MAPK4: variants seen among roughly 807,000 people sequenced by gnomAD.
MAPK4 encodes Erk3-related.
Under a neutral mutation model 47.7 loss-of-function variants are expected in MAPK4, and 22 were observed. The observed-to-expected ratio is 0.46, with a 90% CI of 0.33 to 0.66. The LOEUF is 0.66. MAPK4 is among the 30% of genes least tolerant of loss of function. The pLI is 0.02. For missense variants in MAPK4, 736 were observed against 831.7 expected, an observed-to-expected ratio of 0.88 and a Z score of 1.42; for synonymous variants, 390 against 365.7, an observed-to-expected ratio of 1.07 and a Z score of -0.76.
At chr18:50,592,914 C>T (rs2042450449) in intron 1 of MAPK4, among the ~76,000 whole-genome samples, 1 of 152,202 alleles carries the variant, frequency 6.6e-6, no homozygotes, top group African/African-American at 2.4e-5. Flanking sequence ...CATTTGAATT[C>T]TAAACTCTTT....
chr18:50,576,728 A>G (rs968981556), intron 1 of MAPK4, among the ~76,000 whole-genome samples: 14 of 152,358 alleles, frequency 9.2e-5, no homozygotes, highest in African/African-American at 3.1e-4. Context: ...ATGAAATAAC[A>G]AAGTGTCAGG....
At chr18:50,612,552 T>C (rs1465378659) in intron 1 of MAPK4, among the ~76,000 whole-genome samples, 2 of 152,214 alleles carry the variant, frequency 1.3e-5, no homozygotes, top group East Asian at 3.8e-4. Context: ...AGGAGGAATC[T>C]GTGACTGGAG....
At chr18:50,603,725 C>T (rs1333095913) in intron 1 of MAPK4, among the ~76,000 whole-genome samples, 1 of 152,000 alleles carries the variant, frequency 6.6e-6, no homozygotes, top group Non-Finnish European at 1.5e-5. Context: ...ATTCATTATT[C>T]CTTTTATCTT....
intron 2 of MAPK4, among the ~76,000 whole-genome samples, chr18:50,690,551 C>T (rs1909154447): frequency 6.6e-6 from 1 of 152,142 alleles, no homozygotes; most frequent in Non-Finnish European, 1.5e-5. Context: ...ATTTAAAAAG[C>T]TCTTTTAACA....
intron 1 of MAPK4, among the ~76,000 whole-genome samples, chr18:50,585,684 C>T (rs1183190625): frequency 6.6e-6 from 1 of 152,156 alleles, no homozygotes; most frequent in Non-Finnish European, 1.5e-5. Flanking sequence ...ATATATTAGT[C>T]CGCTCTCATG....
intron 1 of MAPK4, among the ~76,000 whole-genome samples, chr18:50,588,483 C>T (rs1430287442): frequency 6.6e-6 from 1 of 152,216 alleles, no homozygotes; most frequent in Non-Finnish European, 1.5e-5. Context: ...TCATTTCTAG[C>T]ACCTTCTATT....
At chr18:50,589,431 C>G (rs895162697) in intron 1 of MAPK4, among the ~76,000 whole-genome samples, 1 of 152,058 alleles carries the variant, frequency 6.6e-6, no homozygotes, top group African/African-American at 2.4e-5. Context: ...CCCGTCTCTA[C>G]TAAAAATACA....
intron 1 of MAPK4, among the ~76,000 whole-genome samples, chr18:50,566,826 A>G (rs2969967): frequency 1 from 151,807 of 152,344 alleles, 75,639 homozygotes; most frequent in East Asian, 1. Context: ...CATTATGGAA[A>G]GTGGCAAGAA....
At chr18:50,561,801 AG>A (rs1156338075) in intron 1 of MAPK4, among the ~76,000 whole-genome samples, 1 of 152,202 alleles carries the variant, frequency 6.6e-6, no homozygotes, top group East Asian at 1.9e-4. Context: ...AATAGTAAAA[AG>A]GCTTGCTCTG....
At chr18:50,624,434 C>T (rs990427317) in intron 1 of MAPK4, among the ~76,000 whole-genome samples, 3 of 151,288 alleles carry the variant, frequency 2.0e-5, no homozygotes, top group African/African-American at 4.9e-5. Context: ...CTGTATATGG[C>T]GATGCTGTGG....
At chr18:50,671,442 G>T (rs1295190877) in intron 2 of MAPK4, among the ~76,000 whole-genome samples, 1 of 152,212 alleles carries the variant, frequency 6.6e-6, no homozygotes, top group Non-Finnish European at 1.5e-5. Context: ...AAGATTGAAT[G>T]TCTGATTGAG....
In MAPK4 at chr18:50,560,208, C is replaced by T. The variant is rs1280419629; in HGVS notation, c.-906C>T. 6.6e-6 allele frequency: 1 copy of T among 150,900 alleles called. No homozygotes were observed. Among genetic ancestry groups the T allele is most frequent in the Admixed American group, 6.6e-5 (1 of 15,152 alleles). 9.3% of individuals were successfully genotyped at this position (150,900 alleles called of 1,614,324 possible). On this transcript the variant is annotated 5_prime_UTR_variant, in exon 1 of 6. Coordinates refer to ENST00000400384, the MANE Select transcript of MAPK4 (RefSeq NM_002747.4). ...CCGCGGCCGCAGACAAAGGGCGGCT[C>T]GCGCCCGGGCCGCCACGCTCTCGGG...
At chr18:50,639,042 C>T (rs995408712) in intron 1 of MAPK4, among the ~76,000 whole-genome samples, 1 of 152,160 alleles carries the variant, frequency 6.6e-6, no homozygotes, top group Non-Finnish European at 1.5e-5. Flanking sequence ...ATGTAGGTGA[C>T]CAGGCAGATG....
intron 1 of MAPK4, among the ~76,000 whole-genome samples, chr18:50,647,435 G>A (rs375628275): frequency 7.2e-5 from 11 of 152,148 alleles, no homozygotes; most frequent in Admixed American, 5.2e-4. Flanking sequence ...TTGTCAGTGC[G>A]ATGATCTGAA....
chr18:50,711,932 C>T lies in MAPK4; in HGVS notation c.547-3147C>T, dbSNP rs558634748. On this transcript the variant is annotated intron_variant, in intron 2 of 5. Transcript: ENST00000400384. ...CAGTACCATGTTGTGGGCCCCAGAG[C>T]CTCTCCCATTCGGACACCCAGGGCT... 4.7e-4 allele frequency among the ~76,000 whole-genome samples: 71 copies of T among 151,962 alleles called. No homozygotes were observed. In the South Asian group the frequency reaches 5.8e-3, roughly 12 times the overall value.
At chr18:50,676,744 T>C (rs1361661209) in intron 2 of MAPK4, among the ~76,000 whole-genome samples, 1 of 152,212 alleles carries the variant, frequency 6.6e-6, no homozygotes, top group South Asian at 2.1e-4. Flanking sequence ...CTAAATAGAA[T>C]TGTTACACGA....
chr18:50,560,734 A>G (rs2042145891), intron 1 of MAPK4: 1 of 152,144 alleles, frequency 6.6e-6, no homozygotes, highest in Non-Finnish European at 1.5e-5. Context: ...TCCCCTCGCC[A>G]CCCGACAGAG....
intron 1 of MAPK4, among the ~76,000 whole-genome samples, chr18:50,641,024 T>C (rs1467772792): frequency 6.6e-6 from 1 of 152,230 alleles, no homozygotes; most frequent in Non-Finnish European, 1.5e-5. Flanking sequence ...GATGATTATT[T>C]GTCAATGTCA....
intron 2 of MAPK4, among the ~76,000 whole-genome samples, chr18:50,692,997 T>A (rs1341862998): frequency 6.6e-6 from 1 of 152,180 alleles, no homozygotes; most frequent in African/African-American, 2.4e-5. Context: ...GGCTCACGCC[T>A]GTAATCCCAG....
Sources: allele counts gnomAD v4.1 joint callset (sites outside exome capture counted in the v4.1 genomes callset), GRCh38; gene constraint gnomAD v4.1.1; transcripts MANE v1.5; gene names NCBI Gene and HGNC (gene_info 2026-07-23, HGNC 2026-07-21).